Variants in UNC5D observed in about 807,000 individuals in gnomAD.
UNC5D encodes the protein unc-5 netrin receptor D.
UNC5D carries 39 observed loss-of-function variants against 105.4 expected under a neutral mutation model. That is an observed-to-expected ratio of 0.37 (90% CI 0.29 to 0.48). UNC5D has a LOEUF of 0.48. Among genes scored for constraint, UNC5D ranks in the 20% least tolerant of loss-of-function variants. The probability of loss-of-function intolerance (pLI) is 0.98; values close to 1 mark genes in which losing one functional copy is unlikely to be tolerated. For missense variants in UNC5D, 991 were observed against 1,202.4 expected, an observed-to-expected ratio of 0.82 and a Z score of 2.60; for synonymous variants, 452 against 450.4, an observed-to-expected ratio of 1.00 and a Z score of -0.04.
intron 10 of UNC5D, among the ~76,000 whole-genome samples, chr8:35,728,071 T>TAAAAAAAAAAA (rs71215643): frequency 9.7e-5 from 4 of 41,044 alleles, no homozygotes; most frequent in East Asian, 7.0e-4. Context: ...TTGCTGTCTC[T>TAAAAAAAAAAA]AAAAAAAAAA....
At chr8:35,368,501 T>C (rs1299801215) in intron 1 of UNC5D, among the ~76,000 whole-genome samples, 2 of 151,924 alleles carry the variant, frequency 1.3e-5, no homozygotes, top group African/African-American at 4.8e-5. Context: ...TATTGTATCA[T>C]ATTCAGGAAA....
intron 1 of UNC5D, among the ~76,000 whole-genome samples, chr8:35,296,608 TG>T (rs1244708042): frequency 6.6e-6 from 1 of 152,082 alleles, no homozygotes; most frequent in Non-Finnish European, 1.5e-5. Context: ...TTGGTACAGA[TG>T]GGGGTCTCAC....
intron 1 of UNC5D, among the ~76,000 whole-genome samples, chr8:35,490,818 T>C (rs183814662): frequency 6.6e-6 from 1 of 152,332 alleles, no homozygotes; most frequent in Admixed American, 6.5e-5. Flanking sequence ...ATCAAATGGC[T>C]TCAGGTTGTC....
At chr8:35,548,123 C>T (rs146681233) in intron 1 of UNC5D, among the ~76,000 whole-genome samples, 15 of 152,228 alleles carry the variant, frequency 9.9e-5, no homozygotes, top group African/African-American at 3.4e-4. Context: ...CTTTCCCAGC[C>T]CACTGACTCA....
At chr8:35,589,171 A>G (rs1057067823) in intron 3 of UNC5D, among the ~76,000 whole-genome samples, 7 of 152,190 alleles carry the variant, frequency 4.6e-5, no homozygotes, top group African/African-American at 1.7e-4. Flanking sequence ...ACTAACATGC[A>G]TATGGTAGAG....
At chr8:35,346,287 T>C (rs1479505343) in intron 1 of UNC5D, among the ~76,000 whole-genome samples, 2 of 152,038 alleles carry the variant, frequency 1.3e-5, no homozygotes, top group East Asian at 1.9e-4. Flanking sequence ...ATGACTAGTA[T>C]ATATTTATGT....
At chr8:35,542,254 T>C (rs972994528) in intron 1 of UNC5D, among the ~76,000 whole-genome samples, 2 of 152,194 alleles carry the variant, frequency 1.3e-5, no homozygotes, top group Non-Finnish European at 2.9e-5. Context: ...CTGCATTAAA[T>C]GGGCGAAATG....
intron 1 of UNC5D, chr8:35,544,407 T>A: frequency 6.2e-7 from 1 of 1,609,290 alleles, no homozygotes; most frequent in Non-Finnish European, 8.5e-7. Flanking sequence ...TAAGTAGGGA[T>A]TGTTTAAAAA....
chr8:35,354,161 G>A (rs928226545), intron 1 of UNC5D, among the ~76,000 whole-genome samples: 2 of 152,134 alleles, frequency 1.3e-5, no homozygotes, highest in Non-Finnish European at 2.9e-5. Flanking sequence ...ACAGCATATT[G>A]CTATTTTTTT....
intron 1 of UNC5D, among the ~76,000 whole-genome samples, chr8:35,350,568 C>G (rs953945899): frequency 3.9e-5 from 6 of 151,992 alleles, no homozygotes; most frequent in Non-Finnish European, 1.5e-5. Context: ...TCCCTCAACC[C>G]TCCCCACTTT....
chr8:35,265,210 A>AGT, intron 1 of UNC5D, among the ~76,000 whole-genome samples: 1 of 71,356 alleles, frequency 1.4e-5, no homozygotes. Context: ...TGACCTTATC[A>AGT]TAGTCTGATG....
At chr8:35,326,728 C>T (rs893357178) in intron 1 of UNC5D, among the ~76,000 whole-genome samples, 2 of 151,654 alleles carry the variant, frequency 1.3e-5, no homozygotes, top group Admixed American at 6.6e-5. Context: ...TGCACTCCAA[C>T]CTGGGTGACG....
chr8:35,239,892 CT>C (rs1317823577), intron 1 of UNC5D, among the ~76,000 whole-genome samples: 1 of 151,850 alleles, frequency 6.6e-6, no homozygotes, highest in Non-Finnish European at 1.5e-5. Flanking sequence ...TTTTCCTTTT[CT>C]TTTTTCCTTT....
intron 4 of UNC5D, among the ~76,000 whole-genome samples, chr8:35,628,479 T>C (rs2131064990): frequency 6.6e-6 from 1 of 152,276 alleles, no homozygotes; most frequent in African/African-American, 2.4e-5. Context: ...TAAAAACACA[T>C]CCTGCTTTTA....
intron 1 of UNC5D, among the ~76,000 whole-genome samples, chr8:35,500,153 G>T (rs911792301): frequency 6.6e-6 from 1 of 152,144 alleles, no homozygotes; most frequent in African/African-American, 2.4e-5. Context: ...TTTGCCTCTT[G>T]TCTTAGTCTA....
chr8:35,241,736 C>G (rs1249514882), intron 1 of UNC5D, among the ~76,000 whole-genome samples: 2 of 150,798 alleles, frequency 1.3e-5, no homozygotes, highest in African/African-American at 4.9e-5. Context: ...TTTTGGGGTA[C>G]AAGTAATAAC....
chr8:35,249,032 TAA>T (rs66492008), intron 1 of UNC5D, among the ~76,000 whole-genome samples: 32,421 of 74,550 alleles, frequency 0.43, 6,914 homozygotes, highest in East Asian at 0.6. Flanking sequence ...TATGTTTATA[TAA>T]TATATATTAT....
intron 7 of UNC5D, among the ~76,000 whole-genome samples, chr8:35,697,561 C>G (rs1017794881): frequency 2.0e-5 from 3 of 152,172 alleles, no homozygotes; most frequent in Middle Eastern, 3.4e-3. Flanking sequence ...AACTCCTCAT[C>G]AAGTAGCCAC....
At chr8:35,602,534 G>A (rs879020087) in intron 4 of UNC5D, among the ~76,000 whole-genome samples, 9 of 152,242 alleles carry the variant, frequency 5.9e-5, no homozygotes, top group African/African-American at 1.7e-4. Flanking sequence ...TTGGGAGAGC[G>A]TATGTGTCGA....
Sources: allele counts gnomAD v4.1 joint callset (sites outside exome capture counted in the v4.1 genomes callset), GRCh38; gene constraint gnomAD v4.1.1; transcripts MANE v1.5; gene names NCBI Gene and HGNC (gene_info 2026-07-23, HGNC 2026-07-21).